The following NELL1 variants were observed in gnomAD, a reference collection of about 807,000 sequenced individuals.
NELL1 encodes neural EGFL like 1.
NELL1 carries 76 observed loss-of-function variants against 107.4 expected under a neutral mutation model. That is an observed-to-expected ratio of 0.71 (90% CI 0.59 to 0.86). NELL1 has a LOEUF of 0.86. Ranked by LOEUF, NELL1 falls within the 40% of genes least tolerant of loss-of-function variation. The pLI is 0.00. For missense variants in NELL1, 1,024 were observed against 1,005.5 expected, an observed-to-expected ratio of 1.02 and a Z score of -0.25; for synonymous variants, 353 against 341.2, an observed-to-expected ratio of 1.03 and a Z score of -0.38.
intron 16 of NELL1, among the ~76,000 whole-genome samples, chr11:21,544,524 A>G (rs562241957): frequency 2.0e-5 from 3 of 152,066 alleles, no homozygotes; most frequent in African/African-American, 7.2e-5. Context: ...GGGTTTAGGT[A>G]TTTTATAGGT....
chr11:21,117,686 T>C (rs1034049532), intron 13 of NELL1, among the ~76,000 whole-genome samples: 1 of 152,000 alleles, frequency 6.6e-6, no homozygotes, highest in African/African-American at 2.4e-5. Context: ...ATGCTATTTG[T>C]CTATCTCTGA....
chr11:21,410,148 C>T (rs2133809161), intron 15 of NELL1, among the ~76,000 whole-genome samples: 1 of 152,050 alleles, frequency 6.6e-6, no homozygotes, highest in South Asian at 2.1e-4. Context: ...TTTTTCCTGA[C>T]ACAGTGGAAA....
intron 2 of NELL1, among the ~76,000 whole-genome samples, chr11:20,737,581 T>C (rs1430786031): frequency 6.6e-6 from 1 of 152,040 alleles, no homozygotes; most frequent in East Asian, 1.9e-4. Context: ...CATAGTACTG[T>C]GGTAAGGATT....
At chr11:21,275,521 A>G (rs1372697851) in intron 14 of NELL1, among the ~76,000 whole-genome samples, 2 of 152,308 alleles carry the variant, frequency 1.3e-5, no homozygotes, top group East Asian at 3.9e-4. Flanking sequence ...ATCAATAGAA[A>G]AAGAGGGAAT....
chr11:21,323,249 G>T (rs976572526), intron 14 of NELL1, among the ~76,000 whole-genome samples: 19 of 152,152 alleles, frequency 1.2e-4, no homozygotes, highest in Non-Finnish European at 2.5e-4. Flanking sequence ...AACACTAGGG[G>T]ATCTCAGACA....
chr11:20,975,719 ATATGTATTATATAATG>A (rs1402822219), intron 12 of NELL1, among the ~76,000 whole-genome samples: 28 of 96,576 alleles, frequency 2.9e-4, no homozygotes, highest in African/African-American at 1.0e-3. Context: ...TACATATTAT[ATATGTATTATATAATG>A]TATGTATTAT....
At position 21,534,421 on chromosome 11, in the gene NELL1, C is replaced by A; in HGVS notation, c.1693C>A (p.Arg565Ser). The A allele has an allele frequency of 3.7e-6, 6 of 1,613,818 alleles. No homozygotes were observed. Among genetic ancestry groups the A allele is most frequent in the Non-Finnish European group, 4.2e-6 (5 of 1,179,828 alleles). ...EGIIECHNHS[R>S]CVNLPGWYHC... is the part of the protein sequence containing the mutation. ...AATCATTGAGTGCCACAACCATTCCCGCTGCGTTAACCTGCCAGGGTGGTA... is the reference window on the plus strand; with the variant it reads ...AATCATTGAGTGCCACAACCATTCCAGCTGCGTTAACCTGCCAGGGTGGTA... The change falls in exon 16 of 20, where the codon CGC becomes AGC. Residue 565 changes from arginine to serine, a missense_variant. By Grantham distance (110) the Arg-to-Ser change is moderately radical. Transcript: ENST00000357134.
intron 3 of NELL1, among the ~76,000 whole-genome samples, chr11:20,833,438 G>T (rs538532516): frequency 1.1e-4 from 17 of 152,146 alleles, no homozygotes; most frequent in Admixed American, 2.6e-4. Flanking sequence ...CCTGTAATTT[G>T]TTACTGTTAC....
At chr11:21,049,780 C>T (rs543162519) in intron 12 of NELL1, among the ~76,000 whole-genome samples, 5 of 152,074 alleles carry the variant, frequency 3.3e-5, no homozygotes, top group South Asian at 2.1e-4. Flanking sequence ...CAGGTTCAAG[C>T]GATTCTCCTG....
intron 14 of NELL1, among the ~76,000 whole-genome samples, chr11:21,329,103 T>A (rs1159720439): frequency 6.6e-6 from 1 of 151,930 alleles, no homozygotes; most frequent in African/African-American, 2.4e-5. Flanking sequence ...TTTGGGAGGG[T>A]CCAGAAGCAG....
chr11:20,710,169 A>G (rs910535374), intron 2 of NELL1, among the ~76,000 whole-genome samples: 19 of 152,158 alleles, frequency 1.2e-4, no homozygotes, highest in South Asian at 2.1e-4. Context: ...CCCATTCAGT[A>G]TAATGTAGGT....
Position 21,404,014 on chromosome 11 carries a change from C to CG in NELL1, c.1645+33066_1645+33067insG, listed in dbSNP as rs1554905754. The stretch of plus-strand genomic sequence containing the variant: ...TCTCTGTCATTCCTGAACCCCCCCC[C>CG]CCGCAATCAAAACCACTGGATATTC... On this transcript the variant is annotated intron_variant, in intron 15 of 19. Coordinates refer to ENST00000357134, the MANE Select transcript of NELL1 (RefSeq NM_006157.5). Among the ~76,000 whole-genome samples the CG allele has an allele frequency of 1.3e-4, 15 of 116,540 alleles. No individual in the cohort carries two copies. The East Asian group carries it at 1.6e-3, about 12-fold the overall frequency. 76.5% of individuals were successfully genotyped at this position (116,540 alleles called of 152,430 possible). A position where few individuals can be genotyped will look rare whatever the true frequency, so the allele number is the denominator to read the frequency against.
intron 13 of NELL1, among the ~76,000 whole-genome samples, chr11:21,139,518 A>G (rs1028447942): frequency 2.0e-5 from 3 of 152,090 alleles, no homozygotes; most frequent in African/African-American, 2.4e-5. Context: ...TATCCACCAC[A>G]TTACATACTT....
chr11:21,435,833 G>T (rs541096013), intron 15 of NELL1, among the ~76,000 whole-genome samples: 18 of 151,138 alleles, frequency 1.2e-4, no homozygotes, highest in Non-Finnish European at 2.2e-4. Context: ...TCTGATGTTG[G>T]TATAATGGTA....
intron 12 of NELL1, among the ~76,000 whole-genome samples, chr11:21,090,599 G>A (rs1182746866): frequency 1.3e-5 from 2 of 152,158 alleles, no homozygotes; most frequent in African/African-American, 4.8e-5. Context: ...GACAAATTAG[G>A]AGGGTTGAGA....
intron 13 of NELL1, among the ~76,000 whole-genome samples, chr11:21,165,572 T>C (rs1252516681): frequency 6.6e-6 from 1 of 151,894 alleles, no homozygotes; most frequent in African/African-American, 2.4e-5. Flanking sequence ...CACCCCTAGG[T>C]GTATACCTGA....
At chr11:21,121,379 T>G (rs1304983949) in intron 13 of NELL1, among the ~76,000 whole-genome samples, 1 of 152,132 alleles carries the variant, frequency 6.6e-6, no homozygotes, top group Non-Finnish European at 1.5e-5. Flanking sequence ...AGACGCTGGA[T>G]AGACAATGAC....
chr11:21,333,783 A>G (rs1850323856), intron 14 of NELL1, among the ~76,000 whole-genome samples: 2 of 152,060 alleles, frequency 1.3e-5, no homozygotes, highest in African/African-American at 2.4e-5. Flanking sequence ...TCCCTGGCTT[A>G]TCTATTCTCC....
At chr11:20,814,742 A>C (rs1590320424) in intron 3 of NELL1, among the ~76,000 whole-genome samples, 2 of 152,086 alleles carry the variant, frequency 1.3e-5, no homozygotes. Flanking sequence ...TGCTGTTGTG[A>C]CTAGTGCTGT....
Sources: allele counts gnomAD v4.1 joint callset (sites outside exome capture counted in the v4.1 genomes callset), GRCh38; gene constraint gnomAD v4.1.1; transcripts MANE v1.5; gene names NCBI Gene and HGNC (gene_info 2026-07-23, HGNC 2026-07-21).